PCBP3: variants seen among roughly 807,000 people sequenced by gnomAD.
PCBP3 encodes the protein poly(rC)-binding protein 3.
In PCBP3, 25 loss-of-function variants were observed where a neutral mutation model predicts 52.7. The ratio of observed to expected loss-of-function variants is 0.47; its 90% CI spans 0.35 to 0.66. The LOEUF (loss-of-function observed/expected upper bound fraction) is 0.66. PCBP3 is among the 30% of genes least tolerant of loss of function. The probability of loss-of-function intolerance (pLI) is 0.01; values close to 1 mark genes in which losing one functional copy is unlikely to be tolerated. For synonymous variants in PCBP3, 162 were observed against 183.0 expected (o/e 0.89, Z 0.93); for missense variants, 391 against 490.3 (o/e 0.80, Z 1.91).
chr21:45,700,425 A>G (rs2083045806), intron 2 of PCBP3, among the ~76,000 whole-genome samples: 1 of 152,136 alleles, frequency 6.6e-6, no homozygotes, highest in Non-Finnish European at 1.5e-5. Flanking sequence ...ATGTTCCTGT[A>G]TTTCCACAAG....
chr21:45,678,316 A>G (rs1392011958), intron 2 of PCBP3, among the ~76,000 whole-genome samples: 1 of 151,526 alleles, frequency 6.6e-6, no homozygotes, highest in Non-Finnish European at 1.5e-5. Context: ...AAAAAAAAAA[A>G]AAAATAATAA....
At chr21:45,705,010 G>T (rs1201232215) in intron 2 of PCBP3, among the ~76,000 whole-genome samples, 4 of 152,196 alleles carry the variant, frequency 2.6e-5, no homozygotes, top group African/African-American at 9.6e-5. Context: ...TCGGTGTGCT[G>T]ATTCCAGAGT....
At chr21:45,760,256 A>C (rs183090192) in intron 4 of PCBP3, 1 of 152,148 alleles carries the variant, frequency 6.6e-6, no homozygotes, top group Non-Finnish European at 1.5e-5. Context: ...AGTGCACCAC[A>C]GCCTCGAACT....
In PCBP3 at chr21:45,708,641, CAACCG is replaced by C. The variant is rs552251075; in HGVS notation, c.-199-26750_-199-26746del. Among the ~76,000 whole-genome samples the C allele has an allele frequency of 1.1e-4, 17 of 152,310 alleles. No individual in the cohort carries two copies. In the East Asian group the frequency reaches 3.3e-3, roughly 29 times the overall value. The stretch of plus-strand genomic sequence containing the variant: ...ATTTAAATAGAAAAAGAAAAGCTAG[CAACCG>C]TAGCTTGCAGCAGGGGTGGGAGTTA... On this transcript the variant is annotated intron_variant, in intron 2 of 17. Transcript: ENST00000681687.
At chr21:45,666,370 T>G (rs1341899759) in intron 1 of PCBP3, among the ~76,000 whole-genome samples, 2 of 147,868 alleles carry the variant, frequency 1.4e-5, no homozygotes, top group Non-Finnish European at 3.0e-5. Flanking sequence ...TTAAATCAAG[T>G]AGGAGGAAAG....
intron 2 of PCBP3, chr21:45,728,571 G>T (rs372724319): frequency 3.3e-5 from 5 of 152,038 alleles, no homozygotes; most frequent in Non-Finnish European, 4.4e-5. Context: ...TCATGTTAAT[G>T]CTTGCCTTAT....
chr21:45,915,360 A>G (rs2073210741), intron 12 of PCBP3: 1 of 152,200 alleles, frequency 6.6e-6, no homozygotes, highest in Non-Finnish European at 1.5e-5. Context: ...GCAAAACTCC[A>G]TTTCGCTGCT....
chr21:45,728,414 G>C (rs767000821), intron 2 of PCBP3, among the ~76,000 whole-genome samples: 189 of 152,274 alleles, frequency 1.2e-3, no homozygotes, highest in Non-Finnish European at 1.4e-3. Flanking sequence ...TAGTAAGCCA[G>C]TTGCATTTCT....
intron 2 of PCBP3, among the ~76,000 whole-genome samples, chr21:45,697,610 G>A (rs1377715624): frequency 6.6e-6 from 1 of 151,892 alleles, no homozygotes; most frequent in Non-Finnish European, 1.5e-5. Flanking sequence ...CCGGGTGTAG[G>A]TGTGCACACC....
At chr21:45,927,977 G>A (rs377523355) in intron 13 of PCBP3, among the ~76,000 whole-genome samples, 3 of 152,196 alleles carry the variant, frequency 2.0e-5, no homozygotes, top group Non-Finnish European at 4.4e-5. Context: ...GCCATTCAGC[G>A]TCCTGTGGCT....
chr21:45,668,897 G>A lies in PCBP3; in HGVS notation c.-255G>A, dbSNP rs1462025759. ...AGCACATTGGAGATATATTTCCACA[G>A]CATCTGGCTTTTCTTGTTCCTGTTC... On this transcript the variant is annotated 5_prime_UTR_variant, in exon 2 of 18. Coordinates refer to ENST00000681687, the MANE Select transcript of PCBP3 (RefSeq NM_001384156.1). 2 of 152,074 alleles carry A rather than the reference G, an allele frequency of 1.3e-5. No homozygotes were observed. The highest frequency in any genetic ancestry group is 4.8e-5 in the African/African-American group (2 of 41,422). 9.4% of individuals were successfully genotyped at this position (152,074 alleles called of 1,614,324 possible).
Position 45,805,895 on chromosome 21 carries a change from G to T in PCBP3, c.-125-44066G>T, listed in dbSNP as rs566573212. Among the ~76,000 whole-genome samples, 35 of 152,130 alleles carry T rather than the reference G, an allele frequency of 2.3e-4. No homozygotes were observed. Among genetic ancestry groups the T allele is most frequent in the East Asian group, 5.8e-4 (3 of 5,172 alleles). On this transcript the variant is annotated intron_variant, in intron 4 of 17. Coordinates refer to ENST00000681687, the MANE Select transcript of PCBP3 (RefSeq NM_001384156.1). This position sits in a 1 kb window ranked among gnomAD's most constrained non-coding sequence, Gnocchi z 4.6. ...AGGAAAGGAGGGCGAGAGCAGAGCT[G>T]GGGGGGCGGGCCATGAGGGGAAGTC...
In PCBP3 at chr21:45,896,367, G is replaced by C. The variant is rs1438580090; in HGVS notation, c.165+5G>C. ...CGCCTGCTGATGCATGGAAAGGTAA[G>C]AGGAGCCGCCATTGTCTCTGTAGGA... is the stretch of plus-strand genomic sequence containing the variant. On this transcript the variant is annotated splice_donor_5th_base_variant and intron_variant, in intron 6 of 17. Coordinates refer to ENST00000681687, the MANE Select transcript of PCBP3 (RefSeq NM_001384156.1). 9.0e-6 allele frequency: 14 copies of C among 1,551,562 alleles called. No individual in the cohort carries two copies. The highest frequency in any genetic ancestry group is 1.1e-5 in the Non-Finnish European group (13 of 1,146,936).
At chr21:45,708,778 A>C (rs1389400741) in intron 2 of PCBP3, among the ~76,000 whole-genome samples, 1 of 152,230 alleles carries the variant, frequency 6.6e-6, no homozygotes, top group African/African-American at 2.4e-5. Flanking sequence ...GGTTCCGTAG[A>C]GGCTTTTAGA....
chr21:45,661,480 A>G (rs533534718), intron 1 of PCBP3, among the ~76,000 whole-genome samples: 1 of 152,336 alleles, frequency 6.6e-6, no homozygotes, highest in African/African-American at 2.4e-5. Context: ...TGCAAAGGAC[A>G]TGATTTCATT....
intron 5 of PCBP3, among the ~76,000 whole-genome samples, chr21:45,891,255 T>C (rs577553575): frequency 9.8e-4 from 149 of 152,302 alleles, no homozygotes; most frequent in Non-Finnish European, 1.9e-3. Context: ...TCCTAGGTGG[T>C]ACCTGCAGGA....
intron 5 of PCBP3, among the ~76,000 whole-genome samples, chr21:45,862,566 C>G (rs2094551202): frequency 6.6e-6 from 1 of 152,126 alleles, no homozygotes; most frequent in African/African-American, 2.4e-5. Context: ...TACACATATT[C>G]TATTTTTTTC....
chr21:45,676,935 C>A (rs1463223418), intron 2 of PCBP3, among the ~76,000 whole-genome samples: 1 of 152,130 alleles, frequency 6.6e-6, no homozygotes. Context: ...CCATGCCTAG[C>A]TAATTTTTTG....
chr21:45,852,509 C>T (rs58235248), intron 5 of PCBP3, among the ~76,000 whole-genome samples: 38 of 116,414 alleles, frequency 3.3e-4, no homozygotes, highest in African/African-American at 1.0e-3. Flanking sequence ...CCTGTAGCCA[C>T]CCTGACTTTT....
Sources: gnomAD v4.1 joint callset for allele counts (sites outside exome capture counted in the v4.1 genomes callset) on GRCh38, gnomAD v4.1.1 for gene constraint, Gnocchi (gnomAD v3.1) non-coding constraint, MANE v1.5 for transcripts, NCBI Gene and HGNC (gene_info 2026-07-23, HGNC 2026-07-21) for gene names.